The following FSD1L variants were observed in gnomAD, a reference collection of about 807,000 sequenced individuals.
The protein encoded by FSD1L is FSD1-like protein.
In FSD1L, 45 loss-of-function variants were observed where a neutral mutation model predicts 71.6. That is an observed-to-expected ratio of 0.63 (90% CI 0.49 to 0.81). The LOEUF is 0.81. Among genes scored for constraint, FSD1L ranks in the 30% least tolerant of loss-of-function variants. The probability of loss-of-function intolerance (pLI) is 0.00; values close to 1 mark genes in which losing one functional copy is unlikely to be tolerated. For missense variants in FSD1L, 561 were observed against 618.1 expected (o/e 0.91, Z 0.98); for synonymous variants, 197 against 207.2 (o/e 0.95, Z 0.42).
chr9:105,442,315 C>G, the FSD1L span, among the ~76,000 whole-genome samples: 5 of 152,016 alleles, frequency 3.3e-5, no homozygotes, highest in African/African-American at 1.2e-4. Context: ...AAAACTGAGT[C>G]AGAAAGGGAA....
chr9:105,459,257 G>T (rs1830543434), intron 1 of FSD1L, among the ~76,000 whole-genome samples: 1 of 152,082 alleles, frequency 6.6e-6, no homozygotes, highest in African/African-American at 2.4e-5. Flanking sequence ...CATATGTTTT[G>T]GTGCTGTGGT....
chr9:105,455,871 T>C (rs538458150), intron 1 of FSD1L, among the ~76,000 whole-genome samples: 109 of 152,342 alleles, frequency 7.2e-4, no homozygotes, highest in Admixed American at 1.6e-3. Flanking sequence ...TTGACCCCCT[T>C]AAATTATAGA....
At chr9:105,448,448 T>A (rs1258730957) in intron 1 of FSD1L, among the ~76,000 whole-genome samples, 1 of 152,176 alleles carries the variant, frequency 6.6e-6, no homozygotes, top group Admixed American at 6.5e-5. Flanking sequence ...TGACTCGGGC[T>A]GGCCTCTGCT....
chr9:105,493,122 T>C (rs1833077719), intron 7 of FSD1L, among the ~76,000 whole-genome samples: 2 of 152,176 alleles, frequency 1.3e-5, no homozygotes, highest in Admixed American at 1.3e-4. Flanking sequence ...CCATTATTAT[T>C]GTGTGGGAGT....
chr9:105,520,397 G>T (rs2068266), intron 10 of FSD1L: 141,147 of 1,149,952 alleles, frequency 0.12, 10,197 homozygotes, highest in Admixed American at 0.27. Context: ...ACAGTTTTTC[G>T]ACAACATTTT....
chr9:105,506,568 G>T lies in FSD1L; in HGVS notation c.756G>T (p.Glu252Asp). ...LPRVKDERCWEIIDNIKGTEY... is the reference protein window; with the variant it reads ...LPRVKDERCWDIIDNIKGTEY... ...GTGTAAAGGATGAGCGATGCTGGGA[G>T]ATAATTGATAATATTAAGGGTACTG... is the stretch of plus-strand genomic sequence containing the variant. Residue 252 changes from glutamate (E) to aspartate (D), a missense_variant, in exon 8 of 14, where the codon GAG (glutamate) becomes GAT (aspartate). By Grantham distance (45) the Glu-to-Asp change is conservative. This residue lies in a region of FSD1L where 410 missense variants were observed against 413.5 expected (regional missense o/e 0.99). Coordinates refer to ENST00000481272, the MANE Select transcript of FSD1L (RefSeq NM_001145313.3). 6.4e-7 allele frequency: 1 copy of T among 1,550,884 alleles called. No individual in the cohort carries two copies. The highest frequency in any genetic ancestry group is 1.4e-5 in the African/African-American group (1 of 73,110).
At chr9:105,468,139 T>G (rs1474106897) in intron 3 of FSD1L, 54 bp from the exon 4 acceptor site, 5 of 1,277,524 alleles carry the variant, frequency 3.9e-6, no homozygotes, top group Non-Finnish European at 5.0e-6. Context: ...CCTTTTAGGT[T>G]TTAAATGTTT....
intron 8 of FSD1L, 114 bp from the exon 9 acceptor site, chr9:105,508,503 T>A (rs1834201789): frequency 3.1e-6 from 2 of 646,690 alleles, no homozygotes; most frequent in South Asian, 3.2e-5. Flanking sequence ...AACAAATTCA[T>A]ACTCTTCCTG....
At chr9:105,504,062 A>G (rs924993410) in intron 7 of FSD1L, among the ~76,000 whole-genome samples, 3 of 151,886 alleles carry the variant, frequency 2.0e-5, no homozygotes, top group South Asian at 2.1e-4. Flanking sequence ...TTTTATACCA[A>G]CCTCTCAGGA....
In FSD1L at chr9:105,463,022, C is replaced by T. The variant is rs374775397; in HGVS notation, c.112-1214C>T. Among the ~76,000 whole-genome samples, 1,391 of 151,158 alleles carry T rather than the reference C, an allele frequency of 9.2e-3. 21 individuals carry two copies. The highest frequency in any genetic ancestry group is 0.032 in the African/African-American group (1,331 of 41,194). On this transcript the variant is annotated intron_variant, in intron 2 of 13. Transcript: ENST00000481272. ...GCGTGGTGGCGGACACCTGTAATTC[C>T]AGCTACTCGGGAGGCTGAGGCAGGA...
chr9:105,466,647 C>T (rs147654792), intron 3 of FSD1L, among the ~76,000 whole-genome samples: 3,002 of 151,288 alleles, frequency 0.02, 39 homozygotes, highest in Non-Finnish European at 0.033. Context: ...GAGCCGAGAT[C>T]GCACTACTGC....
At chr9:105,470,642 G>A (rs1462584271) in intron 4 of FSD1L, among the ~76,000 whole-genome samples, 2 of 152,078 alleles carry the variant, frequency 1.3e-5, no homozygotes, top group African/African-American at 4.8e-5. Flanking sequence ...AAACACATAT[G>A]TTGTCTTTCT....
At chr9:105,524,619 T>G (rs1835391118) in intron 10 of FSD1L, 2 of 1,613,926 alleles carry the variant, frequency 1.2e-6, no homozygotes, top group African/African-American at 2.7e-5. Flanking sequence ...CCTCTCTGAT[T>G]TGGCATCTGT....
chr9:105,525,376 C>G (rs574470731), intron 10 of FSD1L: 3 of 1,599,480 alleles, frequency 1.9e-6, no homozygotes, highest in East Asian at 4.5e-5. Flanking sequence ...TGCTCCACAA[C>G]CTGTGTGCAT....
chr9:105,521,947 A>G (rs1162884684), intron 10 of FSD1L: 1 of 1,612,714 alleles, frequency 6.2e-7, no homozygotes, highest in African/African-American at 1.3e-5. Flanking sequence ...CTTAACATTT[A>G]TCGGTACATG....
chr9:105,522,096 C>T (rs1835206073), intron 10 of FSD1L: 4 of 1,613,398 alleles, frequency 2.5e-6, no homozygotes, highest in Non-Finnish European at 3.4e-6. Context: ...CTTGGCAGGT[C>T]GACTTGCAGG....
At chr9:105,527,704 T>C (rs1239002372) in intron 10 of FSD1L, among the ~76,000 whole-genome samples, 10 of 135,876 alleles carry the variant, frequency 7.4e-5, no homozygotes, top group South Asian at 2.3e-4. Context: ...AATATTCTTA[T>C]CAAAAAAAAA....
At chr9:105,505,508 C>T (rs569725910) in intron 7 of FSD1L, among the ~76,000 whole-genome samples, 2 of 152,208 alleles carry the variant, frequency 1.3e-5, no homozygotes, top group Non-Finnish European at 2.9e-5. Context: ...ATCTGCCTGC[C>T]TTGGCCTCCC....
intron 1 of FSD1L, among the ~76,000 whole-genome samples, chr9:105,460,116 G>A (rs1317235407): frequency 6.6e-6 from 1 of 152,172 alleles, no homozygotes; most frequent in African/African-American, 2.4e-5. Context: ...GGGAAGTACA[G>A]TATTTTTACA....
Sources: allele counts gnomAD v4.1 joint callset (sites outside exome capture counted in the v4.1 genomes callset), GRCh38; gene constraint gnomAD v4.1.1; regional missense constraint gnomAD v4.1.1; transcripts MANE v1.5; gene names NCBI Gene and HGNC (gene_info 2026-07-23, HGNC 2026-07-21).